Variants in MAP2 observed in about 807,000 individuals in gnomAD.
The protein encoded by MAP2 is microtubule associated protein 2.
Under a neutral mutation model 137.6 loss-of-function variants are expected in MAP2, and 14 were observed. That is an observed-to-expected ratio of 0.10 (90% CI 0.07 to 0.16). MAP2 has a LOEUF of 0.16. Among genes scored for constraint, MAP2 ranks in the 10% least tolerant of loss-of-function variants. MAP2 has a pLI of 1.00. For synonymous variants in MAP2, 786 were observed against 782.3 expected, an observed-to-expected ratio of 1.00 and a Z score of -0.08; for missense variants, 2,088 against 2,191.5, an observed-to-expected ratio of 0.95 and a Z score of 0.94.
intron 6 of MAP2, among the ~76,000 whole-genome samples, chr2:209,680,234 A>G (rs550734607): frequency 6.6e-6 from 1 of 152,272 alleles, no homozygotes; most frequent in East Asian, 1.9e-4. Flanking sequence ...GGGTTTTGAA[A>G]TTAGACTCAG....
chr2:209,482,912 G>A (rs533555913), intron 1 of MAP2, among the ~76,000 whole-genome samples: 1 of 152,242 alleles, frequency 6.6e-6, no homozygotes, highest in African/African-American at 2.4e-5. Flanking sequence ...CTGTTTTTAT[G>A]AAATATTACA....
At chr2:209,607,729 C>G (rs2153477081) in intron 3 of MAP2, among the ~76,000 whole-genome samples, 1 of 152,298 alleles carries the variant, frequency 6.6e-6, no homozygotes, top group Middle Eastern at 3.4e-3. Flanking sequence ...GCGACTGTGC[C>G]CGGCCTGAAT....
intron 3 of MAP2, among the ~76,000 whole-genome samples, chr2:209,587,808 A>G (rs1251728122): frequency 6.6e-6 from 1 of 152,212 alleles, no homozygotes; most frequent in Non-Finnish European, 1.5e-5. Context: ...TCTCTGGACC[A>G]TGCCATGACC....
intron 5 of MAP2, among the ~76,000 whole-genome samples, chr2:209,657,151 A>G (rs1484315203): frequency 1.3e-5 from 2 of 152,204 alleles, no homozygotes; most frequent in Non-Finnish European, 2.9e-5. Context: ...GTATATCTAC[A>G]CTACATTTTC....
At chr2:209,488,819 C>T (rs1338737972) in intron 1 of MAP2, among the ~76,000 whole-genome samples, 1 of 152,190 alleles carries the variant, frequency 6.6e-6, no homozygotes, top group Non-Finnish European at 1.5e-5. Context: ...TCCCATCTCC[C>T]TGCAACGGAG....
chr2:209,640,947 T>G (rs1414828148), intron 4 of MAP2, among the ~76,000 whole-genome samples: 1 of 152,066 alleles, frequency 6.6e-6, no homozygotes, highest in Non-Finnish European at 1.5e-5. Context: ...TGTTTTCTCT[T>G]AATTTTAATT....
chr2:209,427,024 T>C (rs1692739326), intron 1 of MAP2, among the ~76,000 whole-genome samples: 1 of 152,248 alleles, frequency 6.6e-6, no homozygotes, highest in African/African-American at 2.4e-5. Flanking sequence ...GTTGCACTGT[T>C]GGCATTTTAA....
At chr2:209,497,442 G>A (rs570316103) in intron 1 of MAP2, among the ~76,000 whole-genome samples, 1 of 152,138 alleles carries the variant, frequency 6.6e-6, no homozygotes, top group Non-Finnish European at 1.5e-5. Context: ...CTGTGAAAAA[G>A]TAAATATCTG....
intron 1 of MAP2, among the ~76,000 whole-genome samples, chr2:209,444,597 A>G (rs923182827): frequency 6.6e-6 from 1 of 151,586 alleles, no homozygotes; most frequent in Non-Finnish European, 1.5e-5. Context: ...TAAAATTAAG[A>G]TATTTTGTCA....
intron 1 of MAP2, among the ~76,000 whole-genome samples, chr2:209,485,904 GC>G (rs2058321767): frequency 6.6e-6 from 1 of 152,212 alleles, no homozygotes; most frequent in Non-Finnish European, 1.5e-5. Flanking sequence ...TTAGGGCCTA[GC>G]TTTCTTGCTG....
intron 13 of MAP2, among the ~76,000 whole-genome samples, 177 bp from the exon 14 acceptor site, chr2:209,725,530 CAT>C (rs1423129550): frequency 3.9e-5 from 6 of 152,126 alleles, no homozygotes; most frequent in Non-Finnish European, 5.9e-5. Context: ...CCAATCCAAA[CAT>C]GTGGGAGAAT....
chr2:209,471,099 C>T (rs897790700), intron 1 of MAP2, among the ~76,000 whole-genome samples: 2 of 152,172 alleles, frequency 1.3e-5, no homozygotes, highest in African/African-American at 4.8e-5. Context: ...TGCCTGTTTT[C>T]CTAGTCTCAC....
intron 4 of MAP2, among the ~76,000 whole-genome samples, chr2:209,651,804 G>C (rs1346996201): frequency 6.6e-6 from 1 of 152,166 alleles, no homozygotes; most frequent in Non-Finnish European, 1.5e-5. Context: ...TTCCTGCTAT[G>C]AACAGAAAAT....
At chr2:209,637,303 C>A (rs532656113) in intron 4 of MAP2, among the ~76,000 whole-genome samples, 2 of 151,880 alleles carry the variant, frequency 1.3e-5, no homozygotes, top group Non-Finnish European at 2.9e-5. Flanking sequence ...ATTAGCTGGG[C>A]GTGGTGGCAG....
chr2:209,647,826 G>A (rs893771799), intron 4 of MAP2, among the ~76,000 whole-genome samples: 10 of 152,032 alleles, frequency 6.6e-5, no homozygotes, highest in African/African-American at 9.7e-5. Context: ...TTAAAAAACC[G>A]AAGTTTTAGC....
At chr2:209,489,628 G>A (rs140438234) in intron 1 of MAP2, among the ~76,000 whole-genome samples, 27 of 152,230 alleles carry the variant, frequency 1.8e-4, no homozygotes, top group Admixed American at 7.2e-4. Context: ...AACACAGCAC[G>A]AGAACTTCAT....
chr2:209,598,455 TTTA>T, intron 3 of MAP2, among the ~76,000 whole-genome samples: 1 of 151,632 alleles, frequency 6.6e-6, no homozygotes, highest in Non-Finnish European at 1.5e-5. Context: ...TTATTTTTAT[TTTA>T]TTATTATACT....
intron 2 of MAP2, among the ~76,000 whole-genome samples, chr2:209,564,003 C>T (rs1341044965): frequency 6.6e-6 from 1 of 152,146 alleles, no homozygotes. Flanking sequence ...TTGGAATCCT[C>T]TTTGTACTTT....
intron 3 of MAP2, among the ~76,000 whole-genome samples, chr2:209,618,012 A>G (rs1380707308): frequency 6.6e-6 from 1 of 152,146 alleles, no homozygotes; most frequent in Non-Finnish European, 1.5e-5. Context: ...AGGGACATGA[A>G]TTTCTTACAA....
Sources: allele counts gnomAD v4.1 joint callset (sites outside exome capture counted in the v4.1 genomes callset), GRCh38; gene constraint gnomAD v4.1.1; transcripts MANE v1.5; gene names NCBI Gene and HGNC (gene_info 2026-07-23, HGNC 2026-07-21).